NR3C1: variants seen among roughly 807,000 people sequenced by gnomAD.
NR3C1 encodes nuclear receptor subfamily 3 group C member 1.
NR3C1 carries 14 observed loss-of-function variants against 74.0 expected under a neutral mutation model. The ratio of observed to expected loss-of-function variants is 0.19; its 90% CI spans 0.12 to 0.30. The LOEUF (loss-of-function observed/expected upper bound fraction) is 0.30, where lower values mean the gene tolerates loss of function less well. NR3C1 is among the 10% of genes least tolerant of loss of function. The pLI is 1.00. For synonymous variants in NR3C1, 308 were observed against 332.5 expected (o/e 0.93, Z 0.80); for missense variants, 695 against 909.8 (o/e 0.76, Z 3.04).
At chr5:143,396,383 C>T (rs1839188106) in intron 2 of NR3C1, among the ~76,000 whole-genome samples, 1 of 151,428 alleles carries the variant, frequency 6.6e-6, no homozygotes, top group South Asian at 2.1e-4. Context: ...AAATATTAAG[C>T]TTAAAAAACA....
At chr5:143,412,691 G>C (rs1213671712) in intron 1 of NR3C1, among the ~76,000 whole-genome samples, 1 of 151,944 alleles carries the variant, frequency 6.6e-6, no homozygotes, top group Admixed American at 6.6e-5. Context: ...AGGTTTTTTT[G>C]TTTGGGTTTT....
chr5:143,430,831 A>G (rs1751780940), intron 1 of NR3C1, among the ~76,000 whole-genome samples: 2 of 152,136 alleles, frequency 1.3e-5, no homozygotes, highest in Non-Finnish European at 1.5e-5. Context: ...ATGTTATTTT[A>G]AGGAAAGATG....
chr5:143,324,636 T>A (rs1824171784), intron 2 of NR3C1, among the ~76,000 whole-genome samples: 1 of 152,248 alleles, frequency 6.6e-6, no homozygotes, highest in Admixed American at 6.5e-5. Flanking sequence ...TATGCAAATA[T>A]CTGCAGCCAG....
At chr5:143,332,561 A>G in intron 2 of NR3C1, 2 of 850,542 alleles carry the variant, frequency 2.4e-6, no homozygotes, top group Admixed American at 2.4e-5. Flanking sequence ...TAAAATAAAA[A>G]TTATAATTAA....
intron 2 of NR3C1, among the ~76,000 whole-genome samples, chr5:143,339,065 G>C (rs999702961): frequency 1.6e-4 from 25 of 152,236 alleles, no homozygotes; most frequent in African/African-American, 6.0e-4. Flanking sequence ...TATACCATAT[G>C]GTCCAGGTGT....
At chr5:143,371,905 C>T (rs1183291673) in intron 2 of NR3C1, among the ~76,000 whole-genome samples, 1 of 152,184 alleles carries the variant, frequency 6.6e-6, no homozygotes, top group Non-Finnish European at 1.5e-5. Flanking sequence ...CTTCTCCAAC[C>T]TCTTCCCCAT....
At chr5:143,302,599 TA>T (rs949291665) in intron 4 of NR3C1, among the ~76,000 whole-genome samples, 16 of 151,138 alleles carry the variant, frequency 1.1e-4, no homozygotes, top group Middle Eastern at 3.4e-3. Flanking sequence ...GCTGGAGGAT[TA>T]AAAAAAAACA....
chr5:143,423,996 G>C (rs1751379484), intron 1 of NR3C1, among the ~76,000 whole-genome samples: 1 of 137,054 alleles, frequency 7.3e-6, no homozygotes, highest in Non-Finnish European at 1.5e-5. Context: ...CTCACTCGTA[G>C]GTGGGAATTG....
chr5:143,398,112 G>C (rs1005435946), intron 2 of NR3C1, among the ~76,000 whole-genome samples: 3 of 151,902 alleles, frequency 2.0e-5, no homozygotes, highest in Non-Finnish European at 4.4e-5. Context: ...ACTCTTTTAA[G>C]AAAACCAAGT....
intron 4 of NR3C1, among the ~76,000 whole-genome samples, chr5:143,308,815 C>T (rs534132500): frequency 6.6e-6 from 1 of 152,220 alleles, no homozygotes; most frequent in South Asian, 2.1e-4. Context: ...TGAATACAGG[C>T]ACTATTTTAT....
intron 2 of NR3C1, among the ~76,000 whole-genome samples, chr5:143,395,848 G>A (rs1839086548): frequency 6.6e-6 from 1 of 151,824 alleles, no homozygotes; most frequent in Non-Finnish European, 1.5e-5. Flanking sequence ...TCACATTAAA[G>A]TAAACCCTTT....
Position 143,294,014 on chromosome 5 carries a change from C to A in NR3C1, c.2023+1446G>T. ...TACCGCTACAGGTAACATTAAACGT[C>A]TCTAGCAATGATCTTTATCGGGTTC... On this transcript the variant is annotated intron_variant, in intron 7 of 8. Transcript: ENST00000394464. The A allele has an allele frequency of 1.4e-5, 14 of 985,310 alleles. 1 individual carries two copies. Among genetic ancestry groups the A allele is most frequent in the Non-Finnish European group, 1.7e-5 (14 of 829,892 alleles). The allele number at this position is 985,310 out of a possible 1,614,324, so 61.0% of individuals were successfully genotyped here.
upstream of NR3C1, among the ~76,000 whole-genome samples, chr5:143,406,303 C>A (rs1335466209): frequency 6.6e-6 from 1 of 151,598 alleles, no homozygotes; most frequent in Non-Finnish European, 1.5e-5. Flanking sequence ...TTTATGATTT[C>A]ACAAGAGTTC....
At chr5:143,340,177 A>G (rs1205332702) in intron 2 of NR3C1, among the ~76,000 whole-genome samples, 1 of 152,214 alleles carries the variant, frequency 6.6e-6, no homozygotes, top group Non-Finnish European at 1.5e-5. Flanking sequence ...TATTGCTGAA[A>G]GGAACTAAAG....
chr5:143,390,183 T>C (rs145138434), intron 2 of NR3C1, among the ~76,000 whole-genome samples: 1,873 of 152,322 alleles, frequency 0.012, 23 homozygotes, highest in Admixed American at 0.046. Context: ...TAGCAAATAG[T>C]AGTAACAAAA....
intron 4 of NR3C1, among the ~76,000 whole-genome samples, chr5:143,303,025 T>C (rs558632456): frequency 1.8e-4 from 27 of 152,108 alleles, no homozygotes; most frequent in African/African-American, 5.8e-4. Flanking sequence ...ACAAGATTGA[T>C]AGACCACTAG....
intron 2 of NR3C1, among the ~76,000 whole-genome samples, chr5:143,335,493 A>C (rs1268202681): frequency 6.6e-6 from 1 of 152,248 alleles, no homozygotes; most frequent in African/African-American, 2.4e-5. Context: ...CTATTTAGAC[A>C]ATTTAGAAAA....
chr5:143,323,776 G>A (rs1255826916), intron 2 of NR3C1, among the ~76,000 whole-genome samples: 1 of 152,106 alleles, frequency 6.6e-6, no homozygotes, highest in Non-Finnish European at 1.5e-5. Flanking sequence ...AGGGCCGGAG[G>A]GATGGGGGGC....
At chr5:143,412,459 A>G (rs977156630) in intron 1 of NR3C1, among the ~76,000 whole-genome samples, 5 of 151,480 alleles carry the variant, frequency 3.3e-5, no homozygotes, top group Admixed American at 6.6e-5. Flanking sequence ...TAATTATAAA[A>G]CTCTCACACT....
Sources: gnomAD v4.1 joint callset for allele counts (sites outside exome capture counted in the v4.1 genomes callset) on GRCh38, gnomAD v4.1.1 for gene constraint, MANE v1.5 for transcripts, NCBI Gene and HGNC (gene_info 2026-07-23, HGNC 2026-07-21) for gene names.